HTR3B: variants seen among roughly 807,000 people sequenced by gnomAD.
HTR3B encodes 5-hydroxytryptamine (serotonin) receptor 3B, ionotropic.
In HTR3B, 44 loss-of-function variants were observed where a neutral mutation model predicts 42.8. The ratio of observed to expected loss-of-function variants is 1.03; its 90% CI spans 0.81 to 1.32. The LOEUF is 1.32. Ranked by LOEUF, HTR3B falls within the 40% of genes most tolerant of loss-of-function variation. The pLI is 0.00. For missense variants in HTR3B, 527 were observed against 536.5 expected, an observed-to-expected ratio of 0.98 and a Z score of 0.17; for synonymous variants, 203 against 209.0, an observed-to-expected ratio of 0.97 and a Z score of 0.25.
At chr11:113,926,823 C>T (rs1308116428) in intron 2 of HTR3B, among the ~76,000 whole-genome samples, 1 of 152,192 alleles carries the variant, frequency 6.6e-6, no homozygotes, top group Non-Finnish European at 1.5e-5. Context: ...GCAACCGAGC[C>T]CAGCCCAGAC....
At chr11:113,901,420 G>A (rs1444634631), upstream of HTR3B, among the ~76,000 whole-genome samples, 9 of 150,466 alleles carry the variant, frequency 6.0e-5, no homozygotes, top group South Asian at 2.1e-4. Context: ...CAGCCTGGGC[G>A]ACAGAGTGAA....
Position 113,948,594 on chromosome 11 carries a change from T to C in HTR3B, c.*2457T>C, listed in dbSNP as rs1270364159. On this transcript the variant is annotated 3_prime_UTR_variant, in exon 9 of 9. Coordinates refer to ENST00000260191, the MANE Select transcript of HTR3B (RefSeq NM_006028.5). ...TTGAAAAGTAAATAATGGGGCGTGGTGGCTCACGCCTATAATCCCAACACT... is the reference window on the plus strand; with the variant it reads ...TTGAAAAGTAAATAATGGGGCGTGGCGGCTCACGCCTATAATCCCAACACT... Among the ~76,000 whole-genome samples, 1 of 152,252 alleles carries C rather than the reference T, an allele frequency of 6.6e-6. No individual in the cohort carries two copies.
At chr11:113,909,487 T>G (rs1182536417) in intron 2 of HTR3B, 32 bp downstream of exon 2, 6 of 1,588,768 alleles carry the variant, frequency 3.8e-6, no homozygotes, top group Non-Finnish European at 5.2e-6. Context: ...CCTATTCTTG[T>G]TAACGTCTTT....
intron 6 of HTR3B, among the ~76,000 whole-genome samples, chr11:113,933,685 T>C (rs1177786246): frequency 6.6e-6 from 1 of 152,116 alleles, no homozygotes; most frequent in Admixed American, 6.5e-5. Flanking sequence ...TTGGCTGCAT[T>C]GTTCATAGGG....
At chr11:113,926,841 C>CA (rs1041506695) in intron 2 of HTR3B, among the ~76,000 whole-genome samples, 43 of 152,250 alleles carry the variant, frequency 2.8e-4, no homozygotes, top group African/African-American at 1.0e-3. Context: ...GACTGGTTTT[C>CA]AAACTGACTG....
intron 1 of HTR3B, chr11:113,909,025 A>G: frequency 1.8e-6 from 1 of 549,248 alleles, no homozygotes; most frequent in South Asian, 2.8e-5. Flanking sequence ...AGATTGTTGT[A>G]AAATGGAATT....
intron 6 of HTR3B, among the ~76,000 whole-genome samples, chr11:113,934,678 C>T (rs550059715): frequency 1.2e-4 from 18 of 151,980 alleles, no homozygotes; most frequent in African/African-American, 3.4e-4. Flanking sequence ...GCCTAGAATC[C>T]TGCTTGGTTT....
At position 113,948,787 on chromosome 11, in the gene HTR3B, C is replaced by A. The variant is rs1478102339; in HGVS notation, c.*2650C>A. Among the ~76,000 whole-genome samples the A allele has an allele frequency of 6.6e-6, 1 of 151,402 alleles. No individual in the cohort carries two copies. Among genetic ancestry groups the A allele is most frequent in the Admixed American group, 6.6e-5 (1 of 15,178 alleles). ...CTGAGGCAGGAGAATCGCTTGAACC[C>A]AGGAGGTGGAGGTTGCGGTGAGCCG... On this transcript the variant is annotated 3_prime_UTR_variant, in exon 9 of 9. Transcript: ENST00000260191.
At chr11:113,934,917 C>T (rs59575503) in intron 6 of HTR3B, among the ~76,000 whole-genome samples, 144 of 152,216 alleles carry the variant, frequency 9.5e-4, no homozygotes, top group African/African-American at 3.3e-3. Flanking sequence ...GGAACATAGT[C>T]ACCTACCAAG....
chr11:113,928,454 A>G (rs1315214410), intron 2 of HTR3B, among the ~76,000 whole-genome samples: 1 of 152,182 alleles, frequency 6.6e-6, no homozygotes, highest in East Asian at 1.9e-4. Flanking sequence ...GGAATCAGGC[A>G]GTATTTGTCC....
At chr11:113,939,215 G>A (rs927454569) in intron 6 of HTR3B, among the ~76,000 whole-genome samples, 14 of 152,104 alleles carry the variant, frequency 9.2e-5, no homozygotes, top group Admixed American at 4.6e-4. Flanking sequence ...GACAAGAGAC[G>A]GCTTTGCTTT....
rs758026984 is a variant in HTR3B, at chr11:113,932,271, C to A, written c.369-18C>A. Reference sequence around the variant, plus strand: ...AACATCCTCTCTGTGACAACAAGTTCTCTTGTGTTTCATATAGTGTGGACA... The same window carrying A: ...AACATCCTCTCTGTGACAACAAGTTATCTTGTGTTTCATATAGTGTGGACA... On this transcript the variant is annotated intron_variant, in intron 4 of 8. Transcript: ENST00000260191. 2.4e-5 allele frequency: 38 copies of A among 1,596,276 alleles called. No individual in the cohort carries two copies. In the Middle Eastern group the frequency reaches 5.0e-4, roughly 21 times the overall value.
intron 2 of HTR3B, among the ~76,000 whole-genome samples, chr11:113,911,250 A>T (rs1407343726): frequency 6.6e-6 from 1 of 152,102 alleles, no homozygotes; most frequent in African/African-American, 2.4e-5. Context: ...ATTTATTTTG[A>T]GACAGAGTCT....
At chr11:113,911,626 A>G (rs1235017771) in intron 2 of HTR3B, among the ~76,000 whole-genome samples, 1 of 151,958 alleles carries the variant, frequency 6.6e-6, no homozygotes, top group Non-Finnish European at 1.5e-5. Context: ...TCCCGGGGAC[A>G]AGCAATTTTC....
At chr11:113,901,070 C>T (rs1169830853), upstream of HTR3B, among the ~76,000 whole-genome samples, 1 of 151,988 alleles carries the variant, frequency 6.6e-6, no homozygotes, top group Non-Finnish European at 1.5e-5. Context: ...ATGAAAAATG[C>T]TGTATGTAAG....
At chr11:113,916,003 T>C (rs905647057) in intron 2 of HTR3B, among the ~76,000 whole-genome samples, 1 of 152,196 alleles carries the variant, frequency 6.6e-6, no homozygotes, top group Non-Finnish European at 1.5e-5. Flanking sequence ...CGTGCCTGGC[T>C]AATTTTTGTA....
rs781448059 is a variant in HTR3B at position 113,943,144 on chromosome 11, A to T, written c.859A>T (p.Asn287Tyr). The T allele has an allele frequency of 1.2e-6, 2 of 1,614,098 alleles. No homozygotes were observed. The highest frequency in any genetic ancestry group is 1.7e-6 in the Non-Finnish European group (2 of 1,180,014). The change falls in exon 7 of 9, where the codon AAC becomes TAC. Residue 287 changes from asparagine (N) to tyrosine (Y), a missense_variant. Asn to Tyr is a moderately radical substitution (Grantham distance 143, BLOSUM62 -2). Transcript: ENST00000260191. ...GGTGGGCTACACCGTCTTCAGGGTC[A>T]ACATGTCCAACCAGGTGCCACGGAG... ...VLVGYTVFRVNMSNQVPRSVG... is the reference protein window; with the variant it reads ...VLVGYTVFRVYMSNQVPRSVG...
In HTR3B at chr11:113,904,997, T is replaced by G. The variant is rs534200441; in HGVS notation, c.52+12T>G. 1.9e-6 allele frequency: 3 copies of G among 1,593,688 alleles called. No homozygotes were observed. Among genetic ancestry groups the G allele is most frequent in the South Asian group, 2.2e-5 (2 of 90,554 alleles). On this transcript the variant is annotated intron_variant, in intron 1 of 8. Coordinates refer to ENST00000260191, the MANE Select transcript of HTR3B (RefSeq NM_006028.5). The stretch of plus-strand genomic sequence containing the variant: ...CCTGGTGGCTGCAGGTGAGTCCTTT[T>G]AATAATTTTACTAGGCATTAAGGAT...
chr11:113,933,094 G>T lies in HTR3B; in HGVS notation c.696+1G>T, dbSNP rs1397734733. 6.2e-7 allele frequency: 1 copy of T among 1,612,418 alleles called. No individual in the cohort carries two copies. Among genetic ancestry groups the T allele is most frequent in the East Asian group, 2.2e-5 (1 of 44,830 alleles). ...AGGATTTGCACAGATTCAGTTTAAT[G>T]TAGGTTCTTTACTACCTGTCCCCGT... On this transcript the variant is annotated splice_donor_variant, in intron 6 of 8. Transcript: ENST00000260191. LOFTEE classifies it high-confidence loss of function.
Sources: gnomAD v4.1 joint callset for allele counts (sites outside exome capture counted in the v4.1 genomes callset) on GRCh38, gnomAD v4.1.1 for gene constraint, MANE v1.5 for transcripts, NCBI Gene and HGNC (gene_info 2026-07-23, HGNC 2026-07-21) for gene names.